DAPK3: variants seen among roughly 807,000 people sequenced by gnomAD.
DAPK3 encodes death associated protein kinase 3, also known as death-associated protein kinase 3.
DAPK3 carries 24 observed loss-of-function variants against 30.6 expected under a neutral mutation model. The observed-to-expected ratio is 0.78, with a 90% confidence interval of 0.57 to 1.10. DAPK3 has a LOEUF of 1.10. DAPK3 is among the 50% of genes least tolerant of loss of function. The pLI is 0.00. For synonymous variants in DAPK3, 341 were observed against 284.0 expected (o/e 1.20, Z -2.02); for missense variants, 629 against 657.3 (o/e 0.96, Z 0.47).
chr19:3,958,730 T>C lies in DAPK3; in HGVS notation c.*371A>G, dbSNP rs1225224600. The C allele has an allele frequency of 4.8e-6, 2 of 413,314 alleles. No individual in the cohort carries two copies. Among genetic ancestry groups the C allele is most frequent in the African/African-American group, 4.1e-5 (2 of 48,606 alleles). 25.6% of individuals were successfully genotyped at this position (413,314 alleles called of 1,614,324 possible). A position where few individuals can be genotyped will look rare whatever the true frequency, so the allele number is the denominator to read the frequency against. ...CAACAGGCAGCACCCCGCCGAATTG[T>C]CCGTGCAACTACCCGCAAACCCTCC... is the stretch of plus-strand genomic sequence containing the variant. On this transcript the variant is annotated 3_prime_UTR_variant, in exon 9 of 9. Transcript: ENST00000545797.
Position 3,964,848 on chromosome 19 carries a change from C to T in DAPK3, c.206G>A (p.Arg69Gln), listed in dbSNP as rs774146708. The T allele has an allele frequency of 9.9e-6, 16 of 1,612,954 alleles. No individual in the cohort carries two copies. Among genetic ancestry groups the T allele is most frequent in the East Asian group, 2.2e-5 (1 of 44,820 alleles). The change falls in exon 3 of 9, where the codon CGG becomes CAG. Residue 69 changes from arginine to glutamine, a missense_variant. Physicochemically the swap from Arg to Gln is conservative, Grantham distance 43. Coordinates refer to ENST00000545797, the MANE Select transcript of DAPK3 (RefSeq NM_001348.3). ...GATGATGTTGGGGTGCCGGATCTCC[C>T]GCAGGATGTTCACCTCCCGCTCGAT... ...EEIEREVNILREIRHPNIITL... is the reference protein window; with the variant it reads ...EEIEREVNILQEIRHPNIITL...
intron 5 of DAPK3, 90 bp from the exon 6 acceptor site, chr19:3,963,759 A>G: frequency 7.9e-7 from 1 of 1,270,330 alleles, no homozygotes; most frequent in South Asian, 1.3e-5. Context: ...TTCTAGGGCA[A>G]CGGTCCCCCC....
intron 2 of DAPK3, among the ~76,000 whole-genome samples, chr19:3,966,478 C>T (rs1355329858): frequency 6.6e-6 from 1 of 152,226 alleles, no homozygotes; most frequent in East Asian, 1.9e-4. Flanking sequence ...ATCTCTCTCT[C>T]CCTCTGCTGG....
chr19:3,962,869 G>A (rs2145333485), intron 6 of DAPK3, among the ~76,000 whole-genome samples: 1 of 151,958 alleles, frequency 6.6e-6, no homozygotes, highest in South Asian at 2.1e-4. Context: ...GGGAAGCCGA[G>A]GCAGGCAGAT....
rs534900329 is a variant in DAPK3 at position 3,965,433 on chromosome 19, A to G, written c.63-442T>C. On this transcript the variant is annotated intron_variant, in intron 2 of 8. Coordinates refer to ENST00000545797, the MANE Select transcript of DAPK3 (RefSeq NM_001348.3). ...GGAGTTCAAGAGCAGCCTGGCCAAC[A>G]TGGTGAAACCCTGTCTCTACCAAAA... 6.6e-4 allele frequency among the ~76,000 whole-genome samples: 100 copies of G among 152,326 alleles called. No individual in the cohort carries two copies. The South Asian group carries it at 0.02, about 30-fold the overall frequency.
chr19:3,968,055 T>C (rs1446169431), intron 2 of DAPK3, among the ~76,000 whole-genome samples: 1 of 152,264 alleles, frequency 6.6e-6, no homozygotes, highest in African/African-American at 2.4e-5. Flanking sequence ...CTTGAAGTCC[T>C]GGGCTCAAGC....
intron 8 of DAPK3, 134 bp from the exon 9 acceptor site, chr19:3,959,771 G>A: frequency 9.4e-7 from 1 of 1,065,532 alleles, no homozygotes; most frequent in Non-Finnish European, 1.3e-6. Context: ...AGACTGCCCA[G>A]CCCGACGCAA....
chr19:3,963,119 T>TC (rs1360972224), intron 6 of DAPK3, among the ~76,000 whole-genome samples: 2 of 145,814 alleles, frequency 1.4e-5, no homozygotes, highest in Non-Finnish European at 3.0e-5. Flanking sequence ...AAAAAAAAAG[T>TC]CCGAGCATGG....
intron 2 of DAPK3, among the ~76,000 whole-genome samples, chr19:3,967,096 C>T (rs191534223): frequency 1.3e-5 from 2 of 152,304 alleles, no homozygotes; most frequent in African/African-American, 2.4e-5. Context: ...AACCCAGACA[C>T]GACCCAAGCG....
intron 3 of DAPK3, 111 bp downstream of exon 3, chr19:3,964,520 C>A: frequency 7.5e-7 from 1 of 1,339,522 alleles, no homozygotes; most frequent in Non-Finnish European, 1.0e-6. Context: ...CTCACCCCCA[C>A]GCTCCCCACA....
At chr19:3,965,025 G>A (rs1289325906) in intron 2 of DAPK3, 34 bp from the exon 3 acceptor site, 3 of 1,184,810 alleles carry the variant, frequency 2.5e-6, no homozygotes, top group East Asian at 4.7e-5. Context: ...TGGGGGTGGA[G>A]GAGGCGGAGG....
intron 2 of DAPK3, among the ~76,000 whole-genome samples, chr19:3,968,348 A>T (rs1202406449): frequency 6.6e-6 from 1 of 152,130 alleles, no homozygotes; most frequent in African/African-American, 2.4e-5. Context: ...TACAAAAATT[A>T]GCCAGGGGTG....
intron 6 of DAPK3, among the ~76,000 whole-genome samples, chr19:3,962,025 A>C (rs1381686329): frequency 6.6e-6 from 1 of 152,026 alleles, no homozygotes; most frequent in Admixed American, 6.6e-5. Flanking sequence ...CACCCAGCTA[A>C]TTTTTGTATT....
intron 6 of DAPK3, among the ~76,000 whole-genome samples, chr19:3,962,745 G>A (rs1182553318): frequency 7.6e-6 from 1 of 131,222 alleles, no homozygotes; most frequent in Non-Finnish European, 1.5e-5. Context: ...ACGGGGCCTT[G>A]GCACTTCATC....
chr19:3,960,577 A>C (rs981172825), intron 7 of DAPK3, among the ~76,000 whole-genome samples: 4 of 152,070 alleles, frequency 2.6e-5, no homozygotes, highest in African/African-American at 9.7e-5. Flanking sequence ...TCAGGAGTTC[A>C]AGACAAGCCT....
rs745590940 is a variant in DAPK3, at chr19:3,959,580, G to A, written c.886C>T (p.Arg296Cys). The A allele has an allele frequency of 6.3e-5, 100 of 1,583,744 alleles. No homozygotes were observed. In the Admixed American group the frequency reaches 1.7e-3, roughly 27 times the overall value. ...EDSGRKPERR[R>C]LKTTRLKEYT... ...TCCTTCAGACGCGTGGTCTTCAGGCGCCGCCGCTCGGGCTTGCGGCCGCTG... is the reference window on the plus strand; with the variant it reads ...TCCTTCAGACGCGTGGTCTTCAGGCACCGCCGCTCGGGCTTGCGGCCGCTG... Residue 296 changes from arginine to cysteine, a missense_variant, in exon 9 of 9, where the codon CGC becomes TGC. By Grantham distance (180) the Arg-to-Cys change is radical. This residue lies in a region of DAPK3 where 323 missense variants were observed against 278.8 expected (regional missense o/e 1.16). Transcript: ENST00000545797.
Position 3,959,489 on chromosome 19 carries a change from G to C in DAPK3, c.977C>G (p.Ser326Cys). ...NNSYADFERF[S>C]KVLEEAAAAE... ...GGCCGCCGCCTCCTCCAGCACCTTG[G>C]AGAAGCGCTCGAAGTCGGCGTAGCT... is the stretch of plus-strand genomic sequence containing the variant. Residue 326 changes from serine (S) to cysteine (C), a missense_variant, in exon 9 of 9, where the codon TCC becomes TGC. Transcript: ENST00000545797. 1 of 1,555,082 alleles carries C rather than the reference G, an allele frequency of 6.4e-7. No individual in the cohort carries two copies. Among genetic ancestry groups the C allele is most frequent in the Non-Finnish European group, 8.6e-7 (1 of 1,157,570 alleles).
In DAPK3 at chr19:3,963,938, TG is replaced by T; in HGVS notation, c.554-20del. ...TCTGGGGCTGCAGAACAGGGAGATG[TG>T]GGTCAGGCACTGGGGACATGCTGGC... On this transcript the variant is annotated intron_variant, in intron 4 of 8. Coordinates refer to ENST00000545797, the MANE Select transcript of DAPK3 (RefSeq NM_001348.3). The T allele has an allele frequency of 1.3e-6, 2 of 1,566,354 alleles. No homozygotes were observed. The highest frequency in any genetic ancestry group is 1.8e-6 in the Non-Finnish European group (2 of 1,139,410).
intron 2 of DAPK3, among the ~76,000 whole-genome samples, chr19:3,967,379 G>A (rs1568194061): frequency 6.6e-6 from 1 of 152,076 alleles, no homozygotes; most frequent in Non-Finnish European, 1.5e-5. Flanking sequence ...CTTGAACCTG[G>A]GAGACGGAGG....
Sources: allele counts gnomAD v4.1 joint callset (sites outside exome capture counted in the v4.1 genomes callset), GRCh38; gene constraint gnomAD v4.1.1; regional missense constraint gnomAD v4.1.1; transcripts MANE v1.5; gene names NCBI Gene and HGNC (gene_info 2026-07-23, HGNC 2026-07-21).